Variants in MAP3K7 observed in about 807,000 individuals in gnomAD.
MAP3K7 encodes mitogen-activated protein kinase kinase kinase 7.
A neutral mutation model predicts 84.8 loss-of-function variants in MAP3K7; 21 were observed. The ratio of observed to expected loss-of-function variants is 0.25; its 90% CI spans 0.18 to 0.36. The LOEUF is 0.36. Ranked by LOEUF, MAP3K7 falls within the 10% of genes least tolerant of loss-of-function variation. The probability of loss-of-function intolerance (pLI) is 1.00; values close to 1 mark genes in which losing one functional copy is unlikely to be tolerated. For synonymous variants in MAP3K7, 241 were observed against 247.7 expected (o/e 0.97, Z 0.25); for missense variants, 503 against 747.7 (o/e 0.67, Z 3.82).
intron 10 of MAP3K7, 41 bp downstream of exon 10, chr6:90,548,006 C>T (rs752201607): frequency 1.3e-6 from 2 of 1,558,882 alleles, no homozygotes; most frequent in South Asian, 2.4e-5. Flanking sequence ...ATTGTGACTA[C>T]TGGTAAGGTT....
chr6:90,534,879 A>G (rs903017437), intron 13 of MAP3K7, among the ~76,000 whole-genome samples: 1 of 152,166 alleles, frequency 6.6e-6, no homozygotes, highest in Non-Finnish European at 1.5e-5. Context: ...GAGCTCATCA[A>G]ACCTCCAAAG....
chr6:90,566,607 G>T lies in MAP3K7; in HGVS notation c.297+1951C>A, dbSNP rs559244541. 3.9e-5 allele frequency among the ~76,000 whole-genome samples: 6 copies of T among 152,176 alleles called. No individual in the cohort carries two copies. In the South Asian group the frequency reaches 1.2e-3, roughly 32 times the overall value. Reference sequence around the variant, plus strand: ...AACATTCCATGCTCATGGATAGGAAGAATCAATATCGTGAAAATGGTCATA... The same window carrying T: ...AACATTCCATGCTCATGGATAGGAATAATCAATATCGTGAAAATGGTCATA... On this transcript the variant is annotated intron_variant, in intron 3 of 16. Coordinates refer to ENST00000369329, the MANE Select transcript of MAP3K7 (RefSeq NM_145331.3).
intron 1 of MAP3K7, among the ~76,000 whole-genome samples, chr6:90,580,135 C>T (rs1222718250): frequency 6.6e-6 from 1 of 152,174 alleles, no homozygotes; most frequent in Non-Finnish European, 1.5e-5. Context: ...AATAGTATGT[C>T]TGGACTGCAA....
At chr6:90,531,799 A>T (rs1775514552) in intron 13 of MAP3K7, among the ~76,000 whole-genome samples, 1 of 151,958 alleles carries the variant, frequency 6.6e-6, no homozygotes, top group Admixed American at 6.6e-5. Flanking sequence ...CTAAAAATAA[A>T]ACAAAAATTA....
intron 1 of MAP3K7, among the ~76,000 whole-genome samples, chr6:90,576,441 A>T (rs1002567986): frequency 1.5e-4 from 23 of 150,372 alleles, no homozygotes; most frequent in Middle Eastern, 3.4e-3. Flanking sequence ...ACACACACAC[A>T]CACACACACA....
chr6:90,515,058 A>C lies in MAP3K7; in HGVS notation c.*1443T>G, dbSNP rs990228110. On this transcript the variant is annotated 3_prime_UTR_variant, in exon 17 of 17. Transcript: ENST00000369329. ...AAAGTTACCTGCTTTAGCATTTTAA[A>C]GAATAGTTTTGATAACTTCTTAGAT... The C allele has an allele frequency of 2.0e-5, 3 of 152,026 alleles. No homozygotes were observed. The highest frequency in any genetic ancestry group is 4.4e-5 in the Non-Finnish European group (3 of 67,936). The allele number at this position is 152,026 out of a possible 1,614,324, so 9.4% of individuals were successfully genotyped here.
At chr6:90,539,765 C>A (rs563819564) in intron 12 of MAP3K7, among the ~76,000 whole-genome samples, 1 of 151,828 alleles carries the variant, frequency 6.6e-6, no homozygotes, top group Non-Finnish European at 1.5e-5. Flanking sequence ...TAAAGCCCTC[C>A]CCACCTAGAT....
intron 12 of MAP3K7, among the ~76,000 whole-genome samples, chr6:90,544,143 T>C (rs1272202339): frequency 1.3e-5 from 2 of 152,004 alleles, no homozygotes; most frequent in Non-Finnish European, 2.9e-5. Context: ...GGACAGAAAG[T>C]CTAGAGGGGA....
chr6:90,518,087 C>T (rs926731165), intron 16 of MAP3K7, among the ~76,000 whole-genome samples: 34 of 151,742 alleles, frequency 2.2e-4, no homozygotes, highest in African/African-American at 8.2e-4. Context: ...AAACATACAC[C>T]TGGAAAAAAT....
chr6:90,516,228 T>C lies in MAP3K7; in HGVS notation c.*273A>G. ...CTAGCCTTCACACAATGAGCATGCA[T>C]ATACAGCCACAGTTCACTGCATCTG... On this transcript the variant is annotated 3_prime_UTR_variant, in exon 17 of 17. Transcript: ENST00000369329. 2.1e-6 allele frequency: 1 copy of C among 486,338 alleles called. No individual in the cohort carries two copies. The highest frequency in any genetic ancestry group is 3.7e-6 in the Non-Finnish European group (1 of 273,178). The allele number at this position is 486,338 out of a possible 1,614,324, so 30.1% of individuals were successfully genotyped here. A position where few individuals can be genotyped will look rare whatever the true frequency, so the allele number is the denominator to read the frequency against.
intron 9 of MAP3K7, among the ~76,000 whole-genome samples, chr6:90,549,438 G>T (rs1196564384): frequency 6.6e-6 from 1 of 152,220 alleles, no homozygotes; most frequent in Non-Finnish European, 1.5e-5. Context: ...GCCACACTCA[G>T]CTGCATTGGT....
chr6:90,546,791 T>C (rs1208172002), intron 11 of MAP3K7, among the ~76,000 whole-genome samples: 1 of 152,196 alleles, frequency 6.6e-6, no homozygotes, highest in Non-Finnish European at 1.5e-5. Flanking sequence ...TTAGCTATTA[T>C]TTTGTCACTG....
At chr6:90,542,049 A>T (rs1217798888) in intron 12 of MAP3K7, 2 of 162,250 alleles carry the variant, frequency 1.2e-5, no homozygotes, top group Admixed American at 1.3e-4. Context: ...TGCTAATTAA[A>T]CAGTTTGAAT....
In MAP3K7 at chr6:90,586,994, T is replaced by G; in HGVS notation, c.-111A>C. 7.9e-7 allele frequency: 1 copy of G among 1,272,618 alleles called. No individual in the cohort carries two copies. Among genetic ancestry groups the G allele is most frequent in the Non-Finnish European group, 1.0e-6 (1 of 975,930 alleles). The allele number at this position is 1,272,618 out of a possible 1,614,324, so 78.8% of individuals were successfully genotyped here. ...CCCTCAGCCTGGAGCCGCGCAGTCCTACTACCCGGCGATCCGTGGCGGGGG... is the reference window on the plus strand; with the variant it reads ...CCCTCAGCCTGGAGCCGCGCAGTCCGACTACCCGGCGATCCGTGGCGGGGG... On this transcript the variant is annotated 5_prime_UTR_variant, in exon 1 of 17. Transcript: ENST00000369329.
intron 1 of MAP3K7, among the ~76,000 whole-genome samples, chr6:90,575,961 A>C (rs1777062092): frequency 1.3e-5 from 2 of 152,308 alleles, no homozygotes; most frequent in East Asian, 3.9e-4. Context: ...GCGTATGTGA[A>C]GGGAGGGGAG....
chr6:90,559,550 T>C (rs1562099588), intron 5 of MAP3K7, among the ~76,000 whole-genome samples: 4 of 152,228 alleles, frequency 2.6e-5, no homozygotes, highest in African/African-American at 7.2e-5. Flanking sequence ...AAAATACTTA[T>C]CTAAGGAATT....
chr6:90,522,067 TAAACTTAAACCA>T (rs34685431), intron 14 of MAP3K7, among the ~76,000 whole-genome samples: 449 of 152,310 alleles, frequency 2.9e-3, no homozygotes, highest in African/African-American at 0.01. Context: ...GAATTAATTA[TAAACTTAAACCA>T]GAGCATCCAT....
At chr6:90,549,342 G>A (rs1776106494) in intron 9 of MAP3K7, among the ~76,000 whole-genome samples, 1 of 152,106 alleles carries the variant, frequency 6.6e-6, no homozygotes, top group Non-Finnish European at 1.5e-5. Context: ...AAGACATATA[G>A]GAGGAAAGAG....
At position 90,587,060 on chromosome 6, in the gene MAP3K7, T is replaced by A. The variant is rs1191926121; in HGVS notation, c.-177A>T. On this transcript the variant is annotated 5_prime_UTR_variant, in exon 1 of 17. Transcript: ENST00000369329. ...CAGCCGTGTCCGGCTCTGGCTCCGCTGCGTTTTCCGCCGACGGGCCCCGCC... is the reference window on the plus strand; with the variant it reads ...CAGCCGTGTCCGGCTCTGGCTCCGCAGCGTTTTCCGCCGACGGGCCCCGCC... The A allele has an allele frequency of 4.3e-6, 3 of 703,492 alleles. No homozygotes were observed. The African/African-American group carries it at 5.7e-5, about 13-fold the overall frequency. 43.6% of individuals were successfully genotyped at this position (703,492 alleles called of 1,614,324 possible). A position where few individuals can be genotyped will look rare whatever the true frequency, so the allele number is the denominator to read the frequency against.
Sources: gnomAD v4.1 joint callset for allele counts (sites outside exome capture counted in the v4.1 genomes callset) on GRCh38, gnomAD v4.1.1 for gene constraint, MANE v1.5 for transcripts, NCBI Gene and HGNC (gene_info 2026-07-23, HGNC 2026-07-21) for gene names.